ADAMTS19: variants seen among roughly 807,000 people sequenced by gnomAD.
ADAMTS19 encodes the protein ADAM metallopeptidase with thrombospondin type 1 motif 19, also known as A disintegrin and metalloproteinase with thrombospondin motifs 19.
In ADAMTS19, 93 loss-of-function variants were observed where a neutral mutation model predicts 153.3. The observed-to-expected ratio is 0.61, with a 90% CI of 0.51 to 0.72. The LOEUF (loss-of-function observed/expected upper bound fraction) is 0.72, where lower values mean the gene tolerates loss of function less well. ADAMTS19 is among the 30% of genes least tolerant of loss of function. The pLI is 0.00. For missense variants in ADAMTS19, 1,482 were observed against 1,552.1 expected (o/e 0.95, Z 0.76); for synonymous variants, 600 against 556.6 (o/e 1.08, Z -1.10).
chr5:129,717,868 A>G (rs537022086), intron 21 of ADAMTS19, among the ~76,000 whole-genome samples: 2 of 152,316 alleles, frequency 1.3e-5, no homozygotes, highest in South Asian at 2.1e-4. Flanking sequence ...TCTCTCTCAC[A>G]TGGCCACAGA....
intron 21 of ADAMTS19, 96 bp downstream of exon 21, chr5:129,704,487 G>A: frequency 7.1e-7 from 1 of 1,407,150 alleles, no homozygotes; most frequent in Admixed American, 2.3e-5. Flanking sequence ...TAGGAGGGAA[G>A]GAGAGTAGAA....
In ADAMTS19 at chr5:129,702,435, G is replaced by C. The variant is rs371437173; in HGVS notation, c.3159+843G>C. The stretch of plus-strand genomic sequence containing the variant: ...GTAATTTCAAAATATTATACAGGAT[G>C]CAAAAATGATAATTAAAAAATGCTG... On this transcript the variant is annotated intron_variant, in intron 20 of 22. Coordinates refer to ENST00000274487, the MANE Select transcript of ADAMTS19 (RefSeq NM_133638.6). Among the ~76,000 whole-genome samples the C allele has an allele frequency of 1.7e-4, 26 of 152,186 alleles. No individual in the cohort carries two copies. The South Asian group carries it at 5.4e-3, about 32-fold the overall frequency.
Position 129,725,143 on chromosome 5 carries a change from A to C in ADAMTS19, c.3313-9789A>C, listed in dbSNP as rs556512290. On this transcript the variant is annotated intron_variant, in intron 21 of 22. Coordinates refer to ENST00000274487, the MANE Select transcript of ADAMTS19 (RefSeq NM_133638.6). ...TCTCTGACTCTCACAAACTGCCTAA[A>C]TAATTTCTTTCTAGCTAGTGTATGA... Among the ~76,000 whole-genome samples, 187 of 152,312 alleles carry C rather than the reference A, an allele frequency of 1.2e-3. 2 individuals carry two copies. The highest frequency in any genetic ancestry group is 5.2e-3 in the South Asian group (25 of 4,832).
At chr5:129,586,601 C>G (rs1322912414) in intron 7 of ADAMTS19, among the ~76,000 whole-genome samples, 1 of 152,192 alleles carries the variant, frequency 6.6e-6, no homozygotes, top group African/African-American at 2.4e-5. Context: ...ATGAATAAAG[C>G]TGCTATAAAC....
intron 21 of ADAMTS19, among the ~76,000 whole-genome samples, chr5:129,719,312 A>T (rs557981952): frequency 6.6e-6 from 1 of 152,266 alleles, no homozygotes; most frequent in African/African-American, 2.4e-5. Context: ...TCACTGACAA[A>T]CTAGTAGATT....
chr5:129,588,849 C>G (rs1331338094), intron 7 of ADAMTS19, among the ~76,000 whole-genome samples: 2 of 151,522 alleles, frequency 1.3e-5, no homozygotes, highest in African/African-American at 4.8e-5. Context: ...AAAGCAAGTT[C>G]CTTTTACCCT....
Position 129,467,432 on chromosome 5 carries a change from G to A in ADAMTS19, c.747+5675G>A, listed in dbSNP as rs775163815. On this transcript the variant is annotated intron_variant, in intron 2 of 22. Transcript: ENST00000274487. ...TCAGAAACAAATTTATCAGAAATAA[G>A]ACACAAACCTTCAGATTGAAGGACC... 3.9e-5 allele frequency among the ~76,000 whole-genome samples: 6 copies of A among 152,094 alleles called. No individual in the cohort carries two copies. In the East Asian group the frequency reaches 1.2e-3, roughly 29 times the overall value.
chr5:129,470,962 C>T (rs1298773286), intron 2 of ADAMTS19, among the ~76,000 whole-genome samples: 1 of 151,984 alleles, frequency 6.6e-6, no homozygotes, highest in African/African-American at 2.4e-5. Context: ...CCTGGCTTTA[C>T]TTAAAATAAG....
At chr5:129,496,714 GTGCTGCAAAGGCTCATCACCA>G (rs1169174326) in intron 2 of ADAMTS19, among the ~76,000 whole-genome samples, 3 of 152,026 alleles carry the variant, frequency 2.0e-5, no homozygotes, top group African/African-American at 7.2e-5. Context: ...CATGAGATAA[GTGCTGCAAAGGCTCATCACCA>G]TGGTGAATGG....
intron 2 of ADAMTS19, among the ~76,000 whole-genome samples, chr5:129,464,949 G>C (rs1294784642): frequency 1.3e-5 from 2 of 152,104 alleles, no homozygotes; most frequent in African/African-American, 2.4e-5. Context: ...TATGACTAAG[G>C]CCTTTTCCAG....
rs765664928 is a variant in ADAMTS19 at position 129,461,687 on chromosome 5, G to A, written c.677G>A (p.Cys226Tyr). The A allele has an allele frequency of 6.4e-7, 1 of 1,573,578 alleles. No individual in the cohort carries two copies. Among genetic ancestry groups the A allele is most frequent in the Non-Finnish European group, 8.6e-7 (1 of 1,165,710 alleles). The change falls in exon 2 of 23, where the codon TGC (cysteine) becomes TAC (tyrosine). Residue 226 changes from cysteine (C) to tyrosine (Y), a missense_variant. Coordinates refer to ENST00000274487, the MANE Select transcript of ADAMTS19 (RefSeq NM_133638.6). The surrounding 1 kb of genome is among the most constrained non-coding windows in gnomAD (Gnocchi z 4.6). ...CCTCCCGCGCCACCAGACGCAGGCT[G>A]CTTCTACACCGGAGCTGTGCTGCGG... ...PQPPAPPDAG[C>Y]FYTGAVLRHP... is the part of the protein sequence containing the mutation.
At chr5:129,540,214 A>G (rs1012902875) in intron 6 of ADAMTS19, among the ~76,000 whole-genome samples, 1 of 152,062 alleles carries the variant, frequency 6.6e-6, no homozygotes, top group African/African-American at 2.4e-5. Flanking sequence ...TGCATACATT[A>G]ATAGGAAGAA....
chr5:129,714,708 A>C (rs1417587217), intron 21 of ADAMTS19, among the ~76,000 whole-genome samples: 1 of 152,156 alleles, frequency 6.6e-6, no homozygotes, highest in Admixed American at 6.5e-5. Flanking sequence ...TTTTACACCA[A>C]CTTGATAGGT....
chr5:129,471,072 G>A (rs1750048001), intron 2 of ADAMTS19, among the ~76,000 whole-genome samples: 1 of 142,610 alleles, frequency 7.0e-6, no homozygotes, highest in African/African-American at 2.6e-5. Context: ...TCAAAATCAG[G>A]CGGTGGGATG....
At chr5:129,529,884 C>T (rs1314920997) in intron 6 of ADAMTS19, among the ~76,000 whole-genome samples, 1 of 152,034 alleles carries the variant, frequency 6.6e-6, no homozygotes, top group East Asian at 1.9e-4. Flanking sequence ...GAGGAATAAG[C>T]AAATTCAAAG....
chr5:129,651,445 C>A (rs924242082), intron 13 of ADAMTS19, among the ~76,000 whole-genome samples: 1 of 152,138 alleles, frequency 6.6e-6, no homozygotes, highest in Non-Finnish European at 1.5e-5. Context: ...CCCCCTTTAA[C>A]TTCTCCTGCC....
rs1380944732 is a variant in ADAMTS19, at chr5:129,613,235, C to T, written c.1479-7383C>T. 2.0e-5 allele frequency among the ~76,000 whole-genome samples: 3 copies of T among 152,072 alleles called. No individual in the cohort carries two copies. The East Asian group carries it at 5.8e-4, about 29-fold the overall frequency. ...CACCCCAAATCACAGAATATACATTCTTCTCAGCACCACATCACACTTATG... is the reference window on the plus strand; with the variant it reads ...CACCCCAAATCACAGAATATACATTTTTCTCAGCACCACATCACACTTATG... On this transcript the variant is annotated intron_variant, in intron 8 of 22. Coordinates refer to ENST00000274487, the MANE Select transcript of ADAMTS19 (RefSeq NM_133638.6).
chr5:129,538,509 C>A (rs73787549), intron 6 of ADAMTS19, among the ~76,000 whole-genome samples: 2 of 152,038 alleles, frequency 1.3e-5, no homozygotes, highest in African/African-American at 4.8e-5. Context: ...GCATGTTGAA[C>A]TGACCACTCT....
At chr5:129,539,826 T>A (rs1170842274) in intron 6 of ADAMTS19, among the ~76,000 whole-genome samples, 2 of 152,064 alleles carry the variant, frequency 1.3e-5, no homozygotes, top group African/African-American at 4.8e-5. Flanking sequence ...GGCAAACTGT[T>A]CTCCCTTTAC....
Sources: allele counts gnomAD v4.1 joint callset (sites outside exome capture counted in the v4.1 genomes callset), GRCh38; gene constraint gnomAD v4.1.1; non-coding constraint Gnocchi (gnomAD v3.1); transcripts MANE v1.5; gene names NCBI Gene and HGNC (gene_info 2026-07-23, HGNC 2026-07-21).